Variants in CNTN4 observed in about 807,000 individuals in gnomAD.
The protein encoded by CNTN4 is contactin-4.
A neutral mutation model predicts 122.5 loss-of-function variants in CNTN4; 77 were observed. That is an observed-to-expected ratio of 0.63 (90% CI 0.52 to 0.76). The LOEUF is 0.76. Among genes scored for constraint, CNTN4 ranks in the 30% least tolerant of loss-of-function variants. CNTN4 has a pLI of 0.00. For synonymous variants in CNTN4, 512 were observed against 447.0 expected, an observed-to-expected ratio of 1.15 and a Z score of -1.83; for missense variants, 1,256 against 1,259.1, an observed-to-expected ratio of 1.00 and a Z score of 0.04.
At chr3:2,335,170 A>G (rs532968049) in intron 2 of CNTN4, among the ~76,000 whole-genome samples, 150 of 152,148 alleles carry the variant, frequency 9.9e-4, no homozygotes, top group African/African-American at 3.5e-3. Flanking sequence ...CTATTTATTC[A>G]CCTGGTTGTG....
intron 6 of CNTN4, among the ~76,000 whole-genome samples, chr3:2,804,737 C>CTTTTTTTTTTTTTTTTT (rs370653933): frequency 3.4e-5 from 5 of 144,966 alleles, no homozygotes; most frequent in Admixed American, 6.9e-5. Context: ...ATTTTGAGCA[C>CTTTTTTTTTTTTTTTTT]TTTTTTTTTG....
At chr3:2,887,463 G>A (rs1053180806) in intron 10 of CNTN4, among the ~76,000 whole-genome samples, 2 of 152,074 alleles carry the variant, frequency 1.3e-5, no homozygotes, top group African/African-American at 4.8e-5. Flanking sequence ...TGGAGGATGG[G>A]TATTAGTGTG....
intron 2 of CNTN4, among the ~76,000 whole-genome samples, chr3:2,307,428 C>G (rs1260423510): frequency 7.5e-6 from 1 of 133,966 alleles, no homozygotes; most frequent in African/African-American, 3.2e-5. Flanking sequence ...GAGCAAGACT[C>G]CATCTCAAAA....
At chr3:2,921,102 A>C (rs2094425396) in intron 12 of CNTN4, among the ~76,000 whole-genome samples, 1 of 152,178 alleles carries the variant, frequency 6.6e-6, no homozygotes, top group Non-Finnish European at 1.5e-5. Flanking sequence ...TAGTGGTGTG[A>C]GCCTAGCTCA....
At chr3:2,200,567 G>A (rs1233664995) in intron 2 of CNTN4, among the ~76,000 whole-genome samples, 2 of 152,142 alleles carry the variant, frequency 1.3e-5, no homozygotes, top group African/African-American at 4.8e-5. Flanking sequence ...GAATGATCTA[G>A]CCCAAAGGTC....
At chr3:2,500,063 T>A (rs2076555715) in intron 3 of CNTN4, among the ~76,000 whole-genome samples, 1 of 152,176 alleles carries the variant, frequency 6.6e-6, no homozygotes, top group African/African-American at 2.4e-5. Flanking sequence ...ATACAATAGA[T>A]TCTTGTGTGT....
At chr3:2,561,072 C>T (rs78569284) in intron 3 of CNTN4, among the ~76,000 whole-genome samples, 3,959 of 152,276 alleles carry the variant, frequency 0.026, 186 homozygotes, top group African/African-American at 0.09. Context: ...CTTACTTCCC[C>T]ACTAAGTGTA....
At chr3:2,636,900 C>G (rs1242444134) in intron 4 of CNTN4, among the ~76,000 whole-genome samples, 1 of 121,396 alleles carries the variant, frequency 8.2e-6, no homozygotes, top group African/African-American at 3.0e-5. Flanking sequence ...TTTCCATTTT[C>G]TTTTCCTCTT....
In CNTN4 at chr3:2,385,205, A is replaced by T. The variant is rs2046201789; in HGVS notation, c.-89+45972A>T. On this transcript the variant is annotated intron_variant, in intron 3 of 24. Coordinates refer to ENST00000418658, the MANE Select transcript of CNTN4 (RefSeq NM_175607.3). This position sits in a 1 kb window ranked among gnomAD's most constrained non-coding sequence, Gnocchi z 4.0. ...TAATCCCAAACTCTTTTTAAAAATA[A>T]TCTGTCTACTACTCAACTTTCTACT... 6.6e-6 allele frequency among the ~76,000 whole-genome samples: 1 copy of T among 152,052 alleles called. No homozygotes were observed. Among genetic ancestry groups the T allele is most frequent in the African/African-American group, 2.4e-5 (1 of 41,388 alleles).
At chr3:2,121,936 T>A (rs556305298) in intron 2 of CNTN4, among the ~76,000 whole-genome samples, 1 of 151,980 alleles carries the variant, frequency 6.6e-6, no homozygotes, top group South Asian at 2.1e-4. Flanking sequence ...GAGGCCGAGG[T>A]GGGCGGATCA....
chr3:2,847,582 A>G (rs1282528067), intron 7 of CNTN4, among the ~76,000 whole-genome samples: 3 of 152,170 alleles, frequency 2.0e-5, no homozygotes, highest in African/African-American at 7.2e-5. Context: ...TGCTGCAGGC[A>G]CACGTCCTTC....
chr3:2,301,455 G>A (rs2042516639), intron 2 of CNTN4, among the ~76,000 whole-genome samples: 1 of 152,214 alleles, frequency 6.6e-6, no homozygotes, highest in South Asian at 2.1e-4. Context: ...AAAAAAATTT[G>A]TAGCTGTAAA....
intron 8 of CNTN4, among the ~76,000 whole-genome samples, chr3:2,877,734 T>A (rs1195027248): frequency 6.6e-6 from 1 of 152,154 alleles, no homozygotes; most frequent in African/African-American, 2.4e-5. Flanking sequence ...CCTACTTCTG[T>A]AAATCACTAG....
chr3:2,555,530 C>T (rs894594502), intron 3 of CNTN4, among the ~76,000 whole-genome samples: 1 of 152,146 alleles, frequency 6.6e-6, no homozygotes, highest in South Asian at 2.1e-4. Context: ...ATCCTGAATG[C>T]TGTCAAAGCA....
At chr3:2,713,482 C>T (rs1243245799) in intron 4 of CNTN4, among the ~76,000 whole-genome samples, 1 of 152,198 alleles carries the variant, frequency 6.6e-6, no homozygotes, top group East Asian at 1.9e-4. Context: ...GAACTTAGCA[C>T]GGCCTGTTTG....
chr3:2,739,005 G>A (rs2089302409), intron 5 of CNTN4, among the ~76,000 whole-genome samples: 2 of 152,000 alleles, frequency 1.3e-5, no homozygotes, highest in Admixed American at 1.3e-4. Flanking sequence ...TTATGGGTAA[G>A]GGATTCATAT....
intron 16 of CNTN4, 59 bp downstream of exon 16, chr3:3,031,034 G>T (rs572619430): frequency 1.6e-5 from 26 of 1,606,976 alleles, no homozygotes; most frequent in Admixed American, 3.3e-5. Context: ...CTACTGTAGC[G>T]CAGAGTTCCA....
At chr3:2,894,299 A>G (rs1203920426) in intron 10 of CNTN4, among the ~76,000 whole-genome samples, 3 of 152,170 alleles carry the variant, frequency 2.0e-5, no homozygotes, top group South Asian at 2.1e-4. Context: ...GGGACCTACA[A>G]TGGTTCTTAG....
intron 3 of CNTN4, among the ~76,000 whole-genome samples, chr3:2,512,980 A>G (rs73000066): frequency 0.14 from 21,121 of 152,180 alleles, 1,655 homozygotes; most frequent in African/African-American, 0.21. Flanking sequence ...GGTTGTCTAC[A>G]TGAGCACAGG....
Sources: allele counts gnomAD v4.1 joint callset (sites outside exome capture counted in the v4.1 genomes callset), GRCh38; gene constraint gnomAD v4.1.1; non-coding constraint Gnocchi (gnomAD v3.1); transcripts MANE v1.5; gene names NCBI Gene and HGNC (gene_info 2026-07-23, HGNC 2026-07-21).